VMP1: variants seen among roughly 807,000 people sequenced by gnomAD.
The protein encoded by VMP1 is ectopic P-granules autophagy protein 3 homolog.
Under a neutral mutation model 56.0 loss-of-function variants are expected in VMP1, and 11 were observed. The ratio of observed to expected loss-of-function variants is 0.20; its 90% CI spans 0.12 to 0.32. The LOEUF is 0.32. Among genes scored for constraint, VMP1 ranks in the 10% least tolerant of loss-of-function variants. VMP1 has a pLI of 1.00. For synonymous variants in VMP1, 149 were observed against 165.0 expected, an observed-to-expected ratio of 0.90 and a Z score of 0.74; for missense variants, 296 against 490.3, an observed-to-expected ratio of 0.60 and a Z score of 3.74.
intron 11 of VMP1, 68 bp downstream of exon 11, chr17:59,838,465 C>A: frequency 6.6e-7 from 1 of 1,512,434 alleles, no homozygotes; most frequent in Non-Finnish European, 9.2e-7. Flanking sequence ...TCACAGCTCT[C>A]ACTCACATTT....
chr17:59,725,615 C>T (rs1048793159), intron 1 of VMP1, among the ~76,000 whole-genome samples: 1 of 149,756 alleles, frequency 6.7e-6, no homozygotes, highest in Admixed American at 6.7e-5. Flanking sequence ...CTCAGTGGCT[C>T]TCTTGTTTGG....
intron 10 of VMP1, among the ~76,000 whole-genome samples, chr17:59,822,033 G>A (rs2038472997): frequency 6.6e-6 from 1 of 151,686 alleles, no homozygotes; most frequent in African/African-American, 2.4e-5. Flanking sequence ...AGTAGAGATG[G>A]GCTTCCACCA....
At chr17:59,737,653 T>G in intron 4 of VMP1, 110 bp downstream of exon 4, 1 of 824,642 alleles carries the variant, frequency 1.2e-6, no homozygotes, top group Non-Finnish European at 1.8e-6. Context: ...CTCAACATTA[T>G]CTCATAACTA....
chr17:59,731,668 G>A, intron 2 of VMP1, 146 bp downstream of exon 2: 3 of 495,078 alleles, frequency 6.1e-6, no homozygotes, highest in Middle Eastern at 6.2e-4. Context: ...GTCAGGGCCT[G>A]TAAGGTGATA....
intron 5 of VMP1, among the ~76,000 whole-genome samples, chr17:59,743,971 A>T (rs2035323019): frequency 6.6e-6 from 1 of 152,096 alleles, no homozygotes; most frequent in Non-Finnish European, 1.5e-5. Flanking sequence ...CCTTGTTCCC[A>T]ACCTTAATGG....
intron 7 of VMP1, among the ~76,000 whole-genome samples, chr17:59,789,251 GATAAA>G (rs2037128762): frequency 7.2e-6 from 1 of 139,472 alleles, no homozygotes; most frequent in African/African-American, 2.7e-5. Context: ...AAAAAAAAAA[GATAAA>G]AGAAAAAAAG....
intron 5 of VMP1, among the ~76,000 whole-genome samples, chr17:59,746,829 T>G (rs1352627921): frequency 1.3e-5 from 2 of 152,220 alleles, no homozygotes; most frequent in East Asian, 3.8e-4. Flanking sequence ...TTTGTTCTAT[T>G]AATTTTAATA....
intron 1 of VMP1, among the ~76,000 whole-genome samples, chr17:59,716,705 C>CTA (rs1280480807): frequency 6.6e-6 from 1 of 152,144 alleles, no homozygotes; most frequent in Non-Finnish European, 1.5e-5. Flanking sequence ...GTTTGTTAAC[C>CTA]TATTTTTAAA....
At chr17:59,780,272 T>C (rs916635873) in intron 7 of VMP1, among the ~76,000 whole-genome samples, 8 of 152,234 alleles carry the variant, frequency 5.3e-5, no homozygotes, top group African/African-American at 1.9e-4. Context: ...TGTACACACA[T>C]ACTGTTTCAT....
At chr17:59,766,291 G>A (rs143256042) in intron 6 of VMP1, among the ~76,000 whole-genome samples, 301 of 152,230 alleles carry the variant, frequency 2.0e-3, no homozygotes, top group African/African-American at 7.0e-3. Context: ...ATCACTTGAG[G>A]CCAGGAGTTC....
intron 10 of VMP1, among the ~76,000 whole-genome samples, chr17:59,826,914 G>A (rs1033618355): frequency 3.3e-5 from 5 of 152,206 alleles, no homozygotes; most frequent in African/African-American, 1.2e-4. Context: ...AACAGCTGCT[G>A]TGTGAATTTG....
chr17:59,818,630 C>A (rs998469671), intron 10 of VMP1, among the ~76,000 whole-genome samples: 3 of 151,778 alleles, frequency 2.0e-5, no homozygotes, highest in Admixed American at 2.0e-4. Context: ...ATTAGCCGGG[C>A]GTGGTGGCAC....
At chr17:59,784,140 TGTGA>T (rs1179170691) in intron 7 of VMP1, among the ~76,000 whole-genome samples, 12 of 134,088 alleles carry the variant, frequency 8.9e-5, no homozygotes, top group African/African-American at 3.2e-4. Context: ...TGTGTGTGTG[TGTGA>T]GAGAGAGAGA....
chr17:59,795,771 TAA>T (rs2037418421), intron 7 of VMP1, among the ~76,000 whole-genome samples: 1 of 152,182 alleles, frequency 6.6e-6, no homozygotes, highest in South Asian at 2.1e-4. Flanking sequence ...GTAGATAAAA[TAA>T]ATCAGGCAAG....
chr17:59,778,502 C>T (rs148543649), intron 7 of VMP1, among the ~76,000 whole-genome samples: 1 of 150,974 alleles, frequency 6.6e-6, no homozygotes, highest in African/African-American at 2.4e-5. Flanking sequence ...GAGATCGCAC[C>T]ACTGCACTCC....
chr17:59,766,459 C>T (rs926532667), intron 6 of VMP1, among the ~76,000 whole-genome samples: 2 of 152,150 alleles, frequency 1.3e-5, no homozygotes, highest in East Asian at 1.9e-4. Context: ...AACCGAGACC[C>T]GCCACCGCTC....
At chr17:59,757,859 C>CTTTTTTTTTTT (rs66605258) in intron 5 of VMP1, among the ~76,000 whole-genome samples, 2 of 91,254 alleles carry the variant, frequency 2.2e-5, no homozygotes, top group Non-Finnish European at 4.0e-5. Context: ...TTATTTGCCA[C>CTTTTTTTTTTT]TTTTTTTTTT....
At chr17:59,824,259 A>C (rs1476753416) in intron 10 of VMP1, among the ~76,000 whole-genome samples, 6 of 151,682 alleles carry the variant, frequency 4.0e-5, no homozygotes. Context: ...TCCAAAAAAA[A>C]AAAAAAGGGT....
chr17:59,795,987 A>G lies in VMP1; in HGVS notation c.715-12809A>G, dbSNP rs139365616. Among the ~76,000 whole-genome samples, 10 of 152,312 alleles carry G rather than the reference A, an allele frequency of 6.6e-5. No homozygotes were observed. The East Asian group carries it at 1.9e-3, about 29-fold the overall frequency. ...GTTATCAATGCTGTGTCATTTTAATATCATTAAAAACCATAGAATTGCTGG... is the reference window on the plus strand; with the variant it reads ...GTTATCAATGCTGTGTCATTTTAATGTCATTAAAAACCATAGAATTGCTGG... On this transcript the variant is annotated intron_variant, in intron 7 of 11. Coordinates refer to ENST00000262291, the MANE Select transcript of VMP1 (RefSeq NM_030938.5).
Sources: allele counts gnomAD v4.1 joint callset (sites outside exome capture counted in the v4.1 genomes callset), GRCh38; gene constraint gnomAD v4.1.1; transcripts MANE v1.5; gene names NCBI Gene and HGNC (gene_info 2026-07-23, HGNC 2026-07-21).